The following NALCN variants were observed in gnomAD, a reference collection of about 807,000 sequenced individuals.
The protein encoded by NALCN is sodium leak channel, non-selective.
Under a neutral mutation model 225.3 loss-of-function variants are expected in NALCN, and 111 were observed. The observed-to-expected ratio is 0.49, with a 90% CI of 0.42 to 0.58. NALCN has a LOEUF of 0.58. NALCN is among the 20% of genes least tolerant of loss of function. NALCN has a pLI of 0.00. For synonymous variants in NALCN, 764 were observed against 769.0 expected, an observed-to-expected ratio of 0.99 and a Z score of 0.11; for missense variants, 1,378 against 2,202.4, an observed-to-expected ratio of 0.63 and a Z score of 7.49.
At chr13:101,180,042 C>T (rs890837490) in intron 14 of NALCN, among the ~76,000 whole-genome samples, 6 of 151,868 alleles carry the variant, frequency 4.0e-5, no homozygotes, top group African/African-American at 1.5e-4. Flanking sequence ...GGACTTAGGG[C>T]CCACCCAGAT....
At chr13:101,295,124 A>G (rs749408775) in intron 7 of NALCN, among the ~76,000 whole-genome samples, 2 of 152,194 alleles carry the variant, frequency 1.3e-5, no homozygotes, top group Non-Finnish European at 2.9e-5. Flanking sequence ...AAGTTTCTTA[A>G]AAGTTGACTT....
rs75531199 is a variant in NALCN, at chr13:101,159,932, G to A, written c.1840-15036C>T. 2.0e-5 allele frequency among the ~76,000 whole-genome samples: 3 copies of A among 148,774 alleles called. No homozygotes were observed. In the South Asian group the frequency reaches 6.6e-4, roughly 33 times the overall value. On this transcript the variant is annotated intron_variant, in intron 15 of 43. Transcript: ENST00000251127. ...GTTAGTGAGAGAGAAGGTTTTTTTTGTTTTTTGTTATTTTTTGTTATTTTT... is the reference window on the plus strand; with the variant it reads ...GTTAGTGAGAGAGAAGGTTTTTTTTATTTTTTGTTATTTTTTGTTATTTTT...
At position 101,395,650 on chromosome 13, in the gene NALCN, G is replaced by A. The variant is rs1220622699; in HGVS notation, c.109-285C>T. Reference sequence around the variant, plus strand: ...CGTTACAAAGACCCAAAGCATAGACGGAACCTGATCAGGCTCTCCCAAACA... The same window carrying A: ...CGTTACAAAGACCCAAAGCATAGACAGAACCTGATCAGGCTCTCCCAAACA... On this transcript the variant is annotated intron_variant, in intron 2 of 43. Transcript: ENST00000251127. Among the ~76,000 whole-genome samples the A allele has an allele frequency of 4.6e-5, 7 of 152,278 alleles. No individual in the cohort carries two copies. The South Asian group carries it at 6.2e-4, about 14-fold the overall frequency.
At chr13:101,315,054 T>C in intron 7 of NALCN, among the ~76,000 whole-genome samples, 1 of 151,820 alleles carries the variant, frequency 6.6e-6, no homozygotes, top group South Asian at 2.1e-4. Context: ...TAAAACGTAA[T>C]ACAAAAATAA....
At chr13:101,123,776 C>G (rs1251589034) in intron 18 of NALCN, among the ~76,000 whole-genome samples, 2 of 152,114 alleles carry the variant, frequency 1.3e-5, no homozygotes, top group East Asian at 3.9e-4. Context: ...GCTTTATTTT[C>G]TCACACAGTC....
At chr13:101,306,504 C>G (rs559636981) in intron 7 of NALCN, among the ~76,000 whole-genome samples, 3 of 152,284 alleles carry the variant, frequency 2.0e-5, no homozygotes, top group South Asian at 4.1e-4. Flanking sequence ...TCTGCCCTGC[C>G]CTTGTCCTGG....
At chr13:101,345,894 T>C (rs1255151710) in intron 6 of NALCN, among the ~76,000 whole-genome samples, 2 of 140,312 alleles carry the variant, frequency 1.4e-5, no homozygotes, top group Admixed American at 1.5e-4. Context: ...CCACACACTT[T>C]GAAATATAGA....
At chr13:101,098,013 G>T (rs1182252041) in intron 27 of NALCN, among the ~76,000 whole-genome samples, 1 of 152,156 alleles carries the variant, frequency 6.6e-6, no homozygotes, top group African/African-American at 2.4e-5. Flanking sequence ...CCTGAAGTAG[G>T]ATTCCAATCT....
intron 13 of NALCN, among the ~76,000 whole-genome samples, chr13:101,216,610 AAT>A (rs1389030623): frequency 2.0e-5 from 3 of 152,156 alleles, no homozygotes; most frequent in African/African-American, 7.2e-5. Flanking sequence ...TAATTGAACT[AAT>A]AGTTTTAAAT....
At chr13:101,111,533 AAGC>A (rs1230329315) in intron 18 of NALCN, among the ~76,000 whole-genome samples, 1 of 152,110 alleles carries the variant, frequency 6.6e-6, no homozygotes, top group African/African-American at 2.4e-5. Flanking sequence ...AGGACACCAT[AAGC>A]AGAAGGCCAG....
chr13:101,061,928 C>A (rs779419134), intron 41 of NALCN, 40 bp downstream of exon 41: 1 of 1,063,718 alleles, frequency 9.4e-7, no homozygotes, highest in Non-Finnish European at 1.3e-6. Context: ...CAGGGCGGGG[C>A]GGGGCGGGGA....
intron 6 of NALCN, among the ~76,000 whole-genome samples, chr13:101,351,572 A>G (rs750332322): frequency 1.6e-4 from 25 of 152,188 alleles, no homozygotes; most frequent in Non-Finnish European, 7.3e-5. Context: ...ACTGAGCTGT[A>G]TATCACAACA....
chr13:101,273,271 A>T (rs1290625215), intron 10 of NALCN, among the ~76,000 whole-genome samples: 1 of 152,148 alleles, frequency 6.6e-6, no homozygotes, highest in Non-Finnish European at 1.5e-5. Flanking sequence ...GTCCAATTGA[A>T]TAGACTTCTA....
intron 3 of NALCN, among the ~76,000 whole-genome samples, chr13:101,390,192 T>A (rs1958835487): frequency 6.6e-6 from 1 of 150,890 alleles, no homozygotes. Flanking sequence ...CAAAAGAAAT[T>A]TAAACAAATA....
intron 11 of NALCN, among the ~76,000 whole-genome samples, chr13:101,254,652 G>C (rs1445477485): frequency 2.3e-5 from 3 of 131,704 alleles, no homozygotes; most frequent in Non-Finnish European, 3.5e-5. Context: ...AGCACTTTGG[G>C]AGGCCGAGGC....
intron 14 of NALCN, among the ~76,000 whole-genome samples, chr13:101,179,751 T>C (rs534573305): frequency 6.6e-6 from 1 of 152,284 alleles, no homozygotes; most frequent in East Asian, 1.9e-4. Context: ...CCTAGAGTAC[T>C]GTAACACCGT....
intron 41 of NALCN, among the ~76,000 whole-genome samples, chr13:101,060,959 T>C (rs1160815506): frequency 6.6e-6 from 1 of 152,202 alleles, no homozygotes; most frequent in African/African-American, 2.4e-5. Context: ...GGGAACCTTT[T>C]CTCCTCCAAT....
intron 7 of NALCN, among the ~76,000 whole-genome samples, chr13:101,332,450 G>A (rs1023037503): frequency 4.8e-5 from 7 of 146,704 alleles, no homozygotes; most frequent in African/African-American, 1.8e-4. Context: ...CTCACGGTAG[G>A]CTTGTTATTG....
intron 7 of NALCN, among the ~76,000 whole-genome samples, chr13:101,334,588 A>G (rs1268046213): frequency 6.6e-6 from 1 of 152,228 alleles, no homozygotes; most frequent in African/African-American, 2.4e-5. Flanking sequence ...CCTTGTATTT[A>G]TAAAAATTCA....
Sources: gnomAD v4.1 joint callset for allele counts (sites outside exome capture counted in the v4.1 genomes callset) on GRCh38, gnomAD v4.1.1 for gene constraint, MANE v1.5 for transcripts, NCBI Gene and HGNC (gene_info 2026-07-23, HGNC 2026-07-21) for gene names.